The following ANKRD30A variants were observed in gnomAD, a reference collection of about 807,000 sequenced individuals.
ANKRD30A encodes ankyrin repeat domain 30A.
In ANKRD30A, 170 loss-of-function variants were observed where a neutral mutation model predicts 166.3. The ratio of observed to expected loss-of-function variants is 1.02; its 90% CI spans 0.90 to 1.16. The LOEUF is 1.16. ANKRD30A is among the 50% of genes most tolerant of loss of function. The pLI, the probability that ANKRD30A is intolerant of heterozygous loss-of-function variation, is 0.00. For synonymous variants in ANKRD30A, 564 were observed against 508.9 expected, an observed-to-expected ratio of 1.11 and a Z score of -1.46; for missense variants, 1,630 against 1,518.0, an observed-to-expected ratio of 1.07 and a Z score of -1.23.
At chr10:37,245,663 A>G in the ANKRD30A span, among the ~76,000 whole-genome samples, 1 of 151,996 alleles carries the variant, frequency 6.6e-6, no homozygotes, top group African/African-American at 2.4e-5. Flanking sequence ...TCTGTGGGTT[A>G]GAAGTATGCT....
chr10:37,226,189 G>A (rs1843141752), intron 34 of ANKRD30A, among the ~76,000 whole-genome samples: 1 of 151,128 alleles, frequency 6.6e-6, no homozygotes, highest in Non-Finnish European at 1.5e-5. Context: ...CATGTGCCAT[G>A]TTGGTGTGCT....
chr10:37,184,157 A>G (rs1483170819), intron 24 of ANKRD30A, among the ~76,000 whole-genome samples: 2 of 147,710 alleles, frequency 1.4e-5, no homozygotes, highest in African/African-American at 2.5e-5. Context: ...AACAGGGTCA[A>G]GAGAATGCAT....
intron 13 of ANKRD30A, among the ~76,000 whole-genome samples, chr10:37,155,950 G>A (rs1838342615): frequency 6.6e-6 from 1 of 151,900 alleles, no homozygotes; most frequent in Non-Finnish European, 1.5e-5. Context: ...GCGTGGTGGT[G>A]GGTGCCTGTA....
chr10:37,231,933 T>A (rs1185411552), intron 35 of ANKRD30A, among the ~76,000 whole-genome samples: 1 of 152,100 alleles, frequency 6.6e-6, no homozygotes, highest in African/African-American at 2.4e-5. Flanking sequence ...CTTTAAAAAC[T>A]GCATTTAAGT....
At chr10:37,162,420 C>T (rs1423832330) in intron 15 of ANKRD30A, among the ~76,000 whole-genome samples, 1 of 152,166 alleles carries the variant, frequency 6.6e-6, no homozygotes, top group South Asian at 2.1e-4. Context: ...AACACAATCT[C>T]GCTTTTGAAG....
chr10:37,225,658 A>T (rs1482890925), intron 34 of ANKRD30A, among the ~76,000 whole-genome samples: 2 of 151,814 alleles, frequency 1.3e-5, no homozygotes, highest in African/African-American at 4.8e-5. Context: ...AATGGAAAGA[A>T]TACATTTTTA....
Position 37,147,418 on chromosome 10 carries a change from A to C in ANKRD30A, c.1504A>C (p.Ile502Leu), listed in dbSNP as rs1409444185. ...GATTCAAGTGTGTATACCTGAGTCT[A>C]TATATCAAAAAGTAATGGAGATAAA... ...AKIQVCIPESIYQKVMEINRE... is the reference protein window; with the variant it reads ...AKIQVCIPESLYQKVMEINRE... The change falls in exon 9 of 36, where the codon ATA becomes CTA. Residue 502 changes from isoleucine (I) to leucine (L), a missense_variant. Physicochemically the swap from Ile to Leu is conservative, Grantham distance 5. Coordinates refer to ENST00000361713, the MANE Select transcript of ANKRD30A (RefSeq NM_052997.3). 1 of 1,597,234 alleles carries C rather than the reference A, an allele frequency of 6.3e-7. No individual in the cohort carries two copies.
chr10:37,127,649 G>A (rs1489341868), intron 1 of ANKRD30A, among the ~76,000 whole-genome samples: 3 of 152,108 alleles, frequency 2.0e-5, no homozygotes, highest in Non-Finnish European at 4.4e-5. Flanking sequence ...ATTGGGCAAA[G>A]TCCTTTTTTA....
rs530058587 is a variant in ANKRD30A at position 37,150,788 on chromosome 10, A to C, written c.1645+939A>C. On this transcript the variant is annotated intron_variant, in intron 11 of 35. Transcript: ENST00000361713. ...GTAATAAATAAAAATGAAAACATTC[A>C]GATTTCAGACTCTTTCAAAAGTTAG... Among the ~76,000 whole-genome samples the C allele has an allele frequency of 1.4e-3, 216 of 152,266 alleles. 1 individual carries two copies. The highest frequency in any genetic ancestry group is 5.1e-3 in the African/African-American group (211 of 41,572).
At chr10:37,149,300 CATG>C (rs1350094102) in intron 9 of ANKRD30A, among the ~76,000 whole-genome samples, 2 of 151,964 alleles carry the variant, frequency 1.3e-5, no homozygotes, top group Non-Finnish European at 2.9e-5. Flanking sequence ...TATTAAAGAA[CATG>C]ATGAATAGAA....
chr10:37,264,749 C>T, the ANKRD30A span: 44 of 162,648 alleles, frequency 2.7e-4, no homozygotes, highest in African/African-American at 8.1e-4. Flanking sequence ...GTTTGATAGA[C>T]GCTGGTGCTA....
At chr10:37,134,107 T>TAATTCAG in intron 5 of ANKRD30A, 54 bp downstream of exon 5, 1 of 1,592,600 alleles carries the variant, frequency 6.3e-7, no homozygotes, top group Non-Finnish European at 8.6e-7. Flanking sequence ...TTTCAGGTAG[T>TAATTCAG]TTTTGAATTA....
At chr10:37,218,105 C>T (rs1170839971) in intron 33 of ANKRD30A, among the ~76,000 whole-genome samples, 1 of 150,748 alleles carries the variant, frequency 6.6e-6, no homozygotes, top group Non-Finnish European at 1.5e-5. Flanking sequence ...ATAATCCCTA[C>T]CATATAGTTA....
chr10:37,263,608 C>T, the ANKRD30A span, among the ~76,000 whole-genome samples: 2 of 151,984 alleles, frequency 1.3e-5, no homozygotes, highest in Non-Finnish European at 2.9e-5. Flanking sequence ...GGTTCGTGCT[C>T]CTATGAGAAT....
the ANKRD30A span, among the ~76,000 whole-genome samples, chr10:37,243,904 G>A: frequency 2.6e-5 from 4 of 151,532 alleles, no homozygotes; most frequent in East Asian, 3.9e-4. Flanking sequence ...AGCAATCAAC[G>A]TCAGTAGATT....
At chr10:37,195,775 T>G (rs1211906415) in intron 27 of ANKRD30A, among the ~76,000 whole-genome samples, 1 of 152,126 alleles carries the variant, frequency 6.6e-6, no homozygotes, top group Admixed American at 6.6e-5. Context: ...GCATTTCTAA[T>G]AATTTCTCAG....
At chr10:37,235,615 A>G (rs1843635626), downstream of ANKRD30A, among the ~76,000 whole-genome samples, 1 of 152,258 alleles carries the variant, frequency 6.6e-6, no homozygotes, top group African/African-American at 2.4e-5. Context: ...TCTCAAAAAG[A>G]CAAAAGACAA....
At position 37,158,551 on chromosome 10, in the gene ANKRD30A, C is replaced by A. The variant is rs1322582054; in HGVS notation, c.1865C>A (p.Ala622Asp). Residue 622 changes from alanine to aspartate, a missense_variant, in exon 15 of 36, where the codon GCC becomes GAC. Around this residue, in one of 4 missense-constraint regions of ANKRD30A, gnomAD observed 904 missense variants for 818.5 expected, o/e 1.10. Transcript: ENST00000361713. ...ATGAAAGTTTCTATTCCAACTAAAG[C>A]CTTAGAATTGAAGGACATGCAAACT... is the stretch of plus-strand genomic sequence containing the variant. The part of the protein sequence containing the change: ...CGMKVSIPTK[A>D]LELKDMQTFK... 1 of 1,613,140 alleles carries A rather than the reference C, an allele frequency of 6.2e-7. No homozygotes were observed. Among genetic ancestry groups the A allele is most frequent in the African/African-American group, 1.3e-5 (1 of 74,852 alleles).
chr10:37,251,222 A>G, the ANKRD30A span, among the ~76,000 whole-genome samples: 6 of 152,182 alleles, frequency 3.9e-5, no homozygotes, highest in East Asian at 1.2e-3. Flanking sequence ...AGGAATAAGG[A>G]TTGTGAGCTC....
Sources: allele counts gnomAD v4.1 joint callset (sites outside exome capture counted in the v4.1 genomes callset), GRCh38; gene constraint gnomAD v4.1.1; regional missense constraint gnomAD v4.1.1; transcripts MANE v1.5; gene names NCBI Gene and HGNC (gene_info 2026-07-23, HGNC 2026-07-21).